PCSK2: variants seen among roughly 807,000 people sequenced by gnomAD.
PCSK2 encodes the protein neuroendocrine convertase 2.
PCSK2 carries 14 observed loss-of-function variants against 69.7 expected under a neutral mutation model. That is an observed-to-expected ratio of 0.20 (90% CI 0.13 to 0.31). The LOEUF (loss-of-function observed/expected upper bound fraction) is 0.31, where lower values mean the gene tolerates loss of function less well. PCSK2 is among the 10% of genes least tolerant of loss of function. PCSK2 has a pLI of 1.00. For missense variants in PCSK2, 544 were observed against 842.5 expected, an observed-to-expected ratio of 0.65 and a Z score of 4.39; for synonymous variants, 307 against 320.7, an observed-to-expected ratio of 0.96 and a Z score of 0.46.
At chr20:17,273,085 A>G (rs1987932603) in intron 2 of PCSK2, among the ~76,000 whole-genome samples, 1 of 152,162 alleles carries the variant, frequency 6.6e-6, no homozygotes, top group Non-Finnish European at 1.5e-5. Flanking sequence ...GTTAATTTCA[A>G]GGGTGCCAGG....
chr20:17,452,871 C>G (rs1026226558), intron 8 of PCSK2, among the ~76,000 whole-genome samples: 1 of 152,218 alleles, frequency 6.6e-6, no homozygotes, highest in Non-Finnish European at 1.5e-5. Flanking sequence ...TTTTAAGAAC[C>G]TCTAAGAACA....
intron 2 of PCSK2, among the ~76,000 whole-genome samples, chr20:17,286,938 G>A (rs1988529090): frequency 6.6e-6 from 1 of 152,206 alleles, no homozygotes. Flanking sequence ...CAATTGTGAA[G>A]GCTGGCAAGT....
At chr20:17,260,176 G>T (rs926141514) in intron 1 of PCSK2, 64 bp from the exon 2 acceptor site, 2 of 1,000,590 alleles carry the variant, frequency 2.0e-6, no homozygotes, top group Non-Finnish European at 1.6e-6. Context: ...CCCAGCTTTG[G>T]TGTCCCTGTC....
rs767291404 is a variant in PCSK2 at position 17,453,914 on chromosome 20, C to G, written c.1058C>G (p.Ser353Cys). ...GAGAGCTGCTCTTCCACCTTGGCTT[C>G]CACCTTCAGCAACGGGAGGAAAAGG... is the stretch of plus-strand genomic sequence containing the variant. ...YDESCSSTLA[S>C]TFSNGRKRNP... The change falls in exon 9 of 12, where the codon TCC becomes TGC. Residue 353 changes from serine (S) to cysteine (C), a missense_variant. By Grantham distance (112) the Ser-to-Cys change is moderately radical. Coordinates refer to ENST00000262545, the MANE Select transcript of PCSK2 (RefSeq NM_002594.5). This position sits in a 1 kb window ranked among gnomAD's most constrained non-coding sequence, Gnocchi z 4.0. The G allele has an allele frequency of 1.2e-6, 2 of 1,614,252 alleles. No individual in the cohort carries two copies. The highest frequency in any genetic ancestry group is 1.7e-6 in the Non-Finnish European group (2 of 1,180,032).
chr20:17,388,837 T>A (rs1207711124), intron 5 of PCSK2, among the ~76,000 whole-genome samples: 1 of 152,160 alleles, frequency 6.6e-6, no homozygotes, highest in Non-Finnish European at 1.5e-5. Context: ...GAGAGTTAGA[T>A]GTTACAAAGA....
chr20:17,465,156 T>C (rs1415811036), intron 10 of PCSK2, 170 bp from the exon 11 acceptor site: 4 of 666,390 alleles, frequency 6.0e-6, no homozygotes, highest in Non-Finnish European at 1.1e-5. Context: ...TATATAGTGG[T>C]TTTGAATGGT....
intron 10 of PCSK2, among the ~76,000 whole-genome samples, chr20:17,462,434 G>T (rs950133599): frequency 6.6e-6 from 1 of 152,176 alleles, no homozygotes; most frequent in African/African-American, 2.4e-5. Flanking sequence ...CAGGACAGGT[G>T]GAAATTCACA....
chr20:17,369,378 G>A, intron 5 of PCSK2, 101 bp downstream of exon 5: 1 of 904,548 alleles, frequency 1.1e-6, no homozygotes, highest in Non-Finnish European at 1.8e-6. Context: ...CTATACACAT[G>A]CATGCAAGTA....
intron 11 of PCSK2, among the ~76,000 whole-genome samples, chr20:17,467,896 A>G (rs528827008): frequency 2.6e-5 from 4 of 152,352 alleles, no homozygotes; most frequent in African/African-American, 7.2e-5. Context: ...AAAAGACAGT[A>G]ATCTCCTAGA....
At chr20:17,406,672 CA>C (rs1398854488) in intron 5 of PCSK2, among the ~76,000 whole-genome samples, 5 of 152,178 alleles carry the variant, frequency 3.3e-5, no homozygotes, top group Admixed American at 3.3e-4. Context: ...AGACAGACCC[CA>C]GTGATAATTA....
At chr20:17,479,522 G>C (rs1326875777) in intron 11 of PCSK2, 2 of 364,748 alleles carry the variant, frequency 5.5e-6, no homozygotes, top group Non-Finnish European at 1.1e-5. Flanking sequence ...TCATACGGCC[G>C]GGCGCGGTGG....
intron 1 of PCSK2, among the ~76,000 whole-genome samples, chr20:17,232,536 C>G (rs8116844): frequency 0.44 from 67,400 of 152,014 alleles, 15,843 homozygotes; most frequent in African/African-American, 0.6. Context: ...TTGGGTTGTC[C>G]ATCTTCACTT....
rs111878732 is a variant in PCSK2, at chr20:17,401,487, C to T, written c.544-7776C>T. 3.6e-3 allele frequency among the ~76,000 whole-genome samples: 547 copies of T among 152,280 alleles called. 3 individuals are homozygous for T. The highest frequency in any genetic ancestry group is 0.012 in the African/African-American group (499 of 41,556). On this transcript the variant is annotated intron_variant, in intron 5 of 11. Transcript: ENST00000262545. ...TGACCTAATTACCTCCCAAGGACCC[C>T]ACCTCTTAATACAAACACACAGGGG...
intron 1 of PCSK2, among the ~76,000 whole-genome samples, chr20:17,241,862 G>A (rs1003056804): frequency 6.6e-6 from 1 of 152,114 alleles, no homozygotes; most frequent in Non-Finnish European, 1.5e-5. Flanking sequence ...CACCTAATAG[G>A]CACATTACTC....
At chr20:17,436,646 C>A in intron 7 of PCSK2, 62 bp from the exon 8 acceptor site, 1 of 1,463,030 alleles carries the variant, frequency 6.8e-7, no homozygotes, top group Non-Finnish European at 9.4e-7. Context: ...CCTCCTCCAC[C>A]TCCTTGTCTC....
At chr20:17,437,018 G>A in intron 8 of PCSK2, 135 bp downstream of exon 8, 4 of 739,394 alleles carry the variant, frequency 5.4e-6, no homozygotes, top group South Asian at 4.0e-5. Flanking sequence ...CAGCACAGGG[G>A]CTTAGCCATG....
intron 7 of PCSK2, among the ~76,000 whole-genome samples, chr20:17,430,268 C>G (rs1013147692): frequency 1.3e-5 from 2 of 152,174 alleles, no homozygotes; most frequent in African/African-American, 4.8e-5. Flanking sequence ...GATTCATAAG[C>G]TTTCAACGAG....
chr20:17,450,240 G>A (rs924032207), intron 8 of PCSK2, among the ~76,000 whole-genome samples: 1 of 151,412 alleles, frequency 6.6e-6, no homozygotes, highest in Non-Finnish European at 1.5e-5. Flanking sequence ...GTGTTAGCCA[G>A]GATGGTCTCG....
chr20:17,235,334 T>C (rs900511487), intron 1 of PCSK2, among the ~76,000 whole-genome samples: 1 of 152,144 alleles, frequency 6.6e-6, no homozygotes, highest in African/African-American at 2.4e-5. Flanking sequence ...TTGACAAGAA[T>C]GGGGAGAAAA....
Sources: allele counts gnomAD v4.1 joint callset (sites outside exome capture counted in the v4.1 genomes callset), GRCh38; gene constraint gnomAD v4.1.1; non-coding constraint Gnocchi (gnomAD v3.1); transcripts MANE v1.5; gene names NCBI Gene and HGNC (gene_info 2026-07-23, HGNC 2026-07-21).